The following TAOK2 variants were observed in gnomAD, a reference collection of about 807,000 sequenced individuals.
TAOK2 encodes serine/threonine-protein kinase TAO2.
TAOK2 carries 42 observed loss-of-function variants against 122.5 expected under a neutral mutation model. That is an observed-to-expected ratio of 0.34 (90% confidence interval 0.27 to 0.44). The LOEUF is 0.44. TAOK2 is among the 20% of genes least tolerant of loss of function. The pLI, the probability that TAOK2 is intolerant of heterozygous loss-of-function variation, is 1.00. For missense variants in TAOK2, 1,264 were observed against 1,644.9 expected (o/e 0.77, Z 4.01); for synonymous variants, 704 against 677.6 (o/e 1.04, Z -0.61).
At chr16:29,988,843 C>T (rs1394024602), downstream of TAOK2, 2 of 985,234 alleles carry the variant, frequency 2.0e-6, no homozygotes, top group Non-Finnish European at 2.4e-6. Flanking sequence ...AAGGCTGTGG[C>T]AGCAGGATTG....
downstream of TAOK2, chr16:29,990,130 G>A: frequency 3.7e-6 from 1 of 273,908 alleles, no homozygotes. Context: ...AGTGAGTGTG[G>A]CCCTCAAGCC....
At chr16:29,991,452 G>A (rs939595966), downstream of TAOK2, 40 of 1,506,358 alleles carry the variant, frequency 2.7e-5, no homozygotes, top group Non-Finnish European at 3.4e-5. The surrounding 1 kb of genome is among the most constrained non-coding windows in gnomAD (Gnocchi z 5.6). Flanking sequence ...GGCAGCCTCG[G>A]GGGGCAGTGG....
At position 29,983,531 on chromosome 16, in the gene TAOK2, A is replaced by G; in HGVS notation, c.1289A>G (p.Tyr430Cys). ...PGSDNLYDDP[Y>C]QPEITPSPLQ... Reference sequence around the variant, plus strand: ...TCTGACAACCTATATGATGACCCCTACCAGCCAGAGATAACCCCCAGCCCT... The same window carrying G: ...TCTGACAACCTATATGATGACCCCTGCCAGCCAGAGATAACCCCCAGCCCT... Residue 430 changes from tyrosine (Y) to cysteine (C), a missense_variant, in exon 13 of 16, where the codon TAC becomes TGC. Physicochemically the swap from Tyr to Cys is radical, Grantham distance 194. Transcript: ENST00000308893. 6.2e-7 allele frequency: 1 copy of G among 1,613,160 alleles called. No homozygotes were observed. Among genetic ancestry groups the G allele is most frequent in the Non-Finnish European group, 8.5e-7 (1 of 1,179,628 alleles).
downstream of TAOK2, chr16:29,990,622 C>T: frequency 1.7e-6 from 1 of 602,284 alleles, no homozygotes. Flanking sequence ...GGGATAGATT[C>T]TGCAGTGTAA....
Position 29,987,218 on chromosome 16 carries a change from G to T in TAOK2, c.2946G>T (p.Gly982=). ...LLLPLLAAQG[G]GGLQAALLAL... ...TTCCATTGCTGGCAGCCCAGGGTGG[G>T]GGTGGCCTGCAGGCAGCGCTGCTGG... The change falls in exon 16 of 16, where the codon GGG becomes GGT. Residue 982 remains glycine, a synonymous_variant. Coordinates refer to ENST00000308893, the MANE Select transcript of TAOK2 (RefSeq NM_016151.4). The T allele has an allele frequency of 6.5e-7, 1 of 1,545,934 alleles. No homozygotes were observed. The highest frequency in any genetic ancestry group is 1.8e-4 in the Middle Eastern group (1 of 5,700).
At chr16:29,975,443 A>G (rs530184476) in intron 1 of TAOK2, among the ~76,000 whole-genome samples, 1 of 152,276 alleles carries the variant, frequency 6.6e-6, no homozygotes, top group African/African-American at 2.4e-5. Context: ...GGTTCTTGCC[A>G]TCTCTTTTCC....
rs1485905089 is a variant in TAOK2 at position 29,986,235 on chromosome 16, G to A, written c.1993-30G>A. The A allele has an allele frequency of 1.3e-6, 2 of 1,508,580 alleles. No individual in the cohort carries two copies. The highest frequency in any genetic ancestry group is 2.3e-5 in the East Asian group (1 of 43,114). The allele number at this position is 1,508,580 out of a possible 1,614,324, so 93.4% of individuals were successfully genotyped here. On this transcript the variant is annotated intron_variant, in intron 15 of 15. Coordinates refer to ENST00000308893, the MANE Select transcript of TAOK2 (RefSeq NM_016151.4). The surrounding 1 kb of genome is among the most constrained non-coding windows in gnomAD (Gnocchi z 4.2). ...CTCTCACTTCCTTGATACTGACCAG[G>A]CCCCGGGCCCTGCATTTCTTCTGCC...
intron 8 of TAOK2, chr16:29,980,829 C>T (rs1006044228): frequency 2.0e-5 from 3 of 152,140 alleles, no homozygotes; most frequent in African/African-American, 7.2e-5. Flanking sequence ...TAAATGTCAA[C>T]TCATACTAAG....
intron 8 of TAOK2, chr16:29,981,046 T>A (rs1261116913): frequency 6.5e-6 from 1 of 154,254 alleles, no homozygotes; most frequent in Non-Finnish European, 1.4e-5. Flanking sequence ...AAAATCACCG[T>A]TTAGGCCAAA....
At chr16:29,988,948 G>C (rs1330497458), downstream of TAOK2, 20 of 985,206 alleles carry the variant, frequency 2.0e-5, no homozygotes, top group Non-Finnish European at 2.4e-5. Context: ...GAACTTGTCA[G>C]GCCCTTTCTG....
Position 29,982,829 on chromosome 16 carries a change from C to T in TAOK2, c.927C>T (p.Tyr309=), listed in dbSNP as rs1279801967. Residue 309 remains tyrosine (Y), a synonymous_variant, in exon 11 of 16, where the codon TAC becomes TAT. Transcript: ENST00000308893. The part of the protein sequence containing the change: ...DAVRELDNLQ[Y]RKMKKILFQE... ...TGCGGGAGCTGGACAACCTGCAGTA[C>T]CGCAAGATGAAGAAGATCCTGTTCC... The T allele has an allele frequency of 6.2e-7, 1 of 1,614,078 alleles. No homozygotes were observed. Among genetic ancestry groups the T allele is most frequent in the Admixed American group, 1.7e-5 (1 of 60,020 alleles).
intron 10 of TAOK2, 133 bp downstream of exon 10, chr16:29,982,073 A>T: frequency 1.4e-6 from 1 of 703,334 alleles, no homozygotes; most frequent in Admixed American, 2.3e-5. Flanking sequence ...CCCATCCCCA[A>T]TGCCTAGTGG....
In TAOK2 at chr16:29,986,694, A is replaced by T; in HGVS notation, c.2422A>T (p.Thr808Ser). Residue 808 changes from threonine (T) to serine (S), a missense_variant, in exon 16 of 16, where the codon ACT becomes TCT. Thr to Ser is a moderately conservative substitution (Grantham distance 58). Around this residue, in one of 4 missense-constraint regions of TAOK2, gnomAD observed 824 missense variants for 908.7 expected, o/e 0.91. Transcript: ENST00000308893. The surrounding 1 kb of genome is among the most constrained non-coding windows in gnomAD (Gnocchi z 4.2). ...ERRILGKEGA[T>S]LEPKQQRILG... ...AAGGATTCTGGGAAAGGAAGGGGCC[A>T]CTTTGGAGCCCAAGCAGCAGAGGAT... The T allele has an allele frequency of 6.2e-7, 1 of 1,613,816 alleles. No individual in the cohort carries two copies. The highest frequency in any genetic ancestry group is 8.5e-7 in the Non-Finnish European group (1 of 1,179,884).
At position 29,981,905 on chromosome 16, in the gene TAOK2, C is replaced by T; in HGVS notation, c.796C>T (p.Pro266Ser). 1.2e-6 allele frequency: 2 copies of T among 1,614,096 alleles called. No individual in the cohort carries two copies. Among genetic ancestry groups the T allele is most frequent in the Non-Finnish European group, 1.7e-6 (2 of 1,180,008 alleles). The change falls in exon 10 of 16, where the codon CCT (proline) becomes TCT (serine). Residue 266 changes from proline (P) to serine (S), a missense_variant. Pro to Ser is a moderately conservative substitution (Grantham distance 74, BLOSUM62 -1). Around this residue, in one of 4 missense-constraint regions of TAOK2, gnomAD observed 254 missense variants for 503.8 expected, o/e 0.50. Coordinates refer to ENST00000308893, the MANE Select transcript of TAOK2 (RefSeq NM_016151.4). Reference sequence around the variant, plus strand: ...TGTCGACTCCTGTCTTCAGAAAATCCCTCAAGACAGACCAACCTCAGAGGT... The same window carrying T: ...TGTCGACTCCTGTCTTCAGAAAATCTCTCAAGACAGACCAACCTCAGAGGT... ...NFVDSCLQKIPQDRPTSEVLL... is the reference protein window; with the variant it reads ...NFVDSCLQKISQDRPTSEVLL...
chr16:29,983,523 T>C lies in TAOK2; in HGVS notation c.1281T>C (p.Asp427=), dbSNP rs773304941. 2 of 1,612,470 alleles carry C rather than the reference T, an allele frequency of 1.2e-6. No individual in the cohort carries two copies. Among genetic ancestry groups the C allele is most frequent in the Non-Finnish European group, 1.7e-6 (2 of 1,178,982 alleles). The change falls in exon 13 of 16, where the codon GAT becomes GAC. Residue 427 remains aspartate (D), a synonymous_variant. Coordinates refer to ENST00000308893, the MANE Select transcript of TAOK2 (RefSeq NM_016151.4). ...HRLPGSDNLY[D]DPYQPEITPS... ...TCTAGGGCTCTGACAACCTATATGA[T>C]GACCCCTACCAGCCAGAGATAACCC...
At chr16:29,982,991 C>G in intron 11 of TAOK2, 81 bp from the exon 12 acceptor site, 1 of 1,604,032 alleles carries the variant, frequency 6.2e-7, no homozygotes, top group Non-Finnish European at 8.5e-7. Context: ...CCTACTCACA[C>G]CACCATCTTC....
chr16:29,986,012 C>T lies in TAOK2; in HGVS notation c.1992+151C>T, dbSNP rs888155543. The T allele has an allele frequency of 1.1e-5, 13 of 1,130,520 alleles. No individual in the cohort carries two copies. Among genetic ancestry groups the T allele is most frequent in the African/African-American group, 3.1e-5 (2 of 63,740 alleles). The allele number at this position is 1,130,520 out of a possible 1,614,324, so 70.0% of individuals were successfully genotyped here. ...CAGTGCCCCTTTTACTTCTCATCCC[C>T]AACAGACCCTGCCAGAATTTCCTTA... is the stretch of plus-strand genomic sequence containing the variant. On this transcript the variant is annotated intron_variant, in intron 15 of 15. Transcript: ENST00000308893. This position sits in a 1 kb window ranked among gnomAD's most constrained non-coding sequence, Gnocchi z 4.2.
In TAOK2 at chr16:29,987,578, C is replaced by T; in HGVS notation, c.3306C>T (p.Gly1102=). The stretch of plus-strand genomic sequence containing the variant: ...CCATGGCCTTCCGGGCCCTGCAGGG[C>T]TGTGGGGCTGTGGGGGACCGGGGTC... ...LSPMAFRALQ[G]CGAVGDRGLF... The change falls in exon 16 of 16, where the codon GGC becomes GGT. Residue 1102 remains glycine, a synonymous_variant. Transcript: ENST00000308893. 6.2e-7 allele frequency: 1 copy of T among 1,612,518 alleles called. No homozygotes were observed. Among genetic ancestry groups the T allele is most frequent in the Non-Finnish European group, 8.5e-7 (1 of 1,179,070 alleles).
chr16:29,978,261 G>A lies in TAOK2; in HGVS notation c.214G>A (p.Asp72Asn), dbSNP rs764269417. 2.5e-6 allele frequency: 4 copies of A among 1,613,958 alleles called. No individual in the cohort carries two copies. The stretch of plus-strand genomic sequence containing the variant: ...TACCCTGACCCCCTAGAAATGGCAA[G>A]ACATCATCAAGGAGGTGCGGTTCTT... ...SGKQSNEKWQ[D>N]IIKEVRFLQK... The change falls in exon 4 of 16, where the codon GAC (aspartate) becomes AAC (asparagine). Residue 72 changes from aspartate (D) to asparagine (N), a missense_variant. Physicochemically the swap from Asp to Asn is conservative, Grantham distance 23. Around this residue, in one of 4 missense-constraint regions of TAOK2, gnomAD observed 254 missense variants for 503.8 expected, o/e 0.50. Transcript: ENST00000308893.
Sources: allele counts gnomAD v4.1 joint callset (sites outside exome capture counted in the v4.1 genomes callset), GRCh38; gene constraint gnomAD v4.1.1; regional missense constraint gnomAD v4.1.1; non-coding constraint Gnocchi (gnomAD v3.1); transcripts MANE v1.5; gene names NCBI Gene and HGNC (gene_info 2026-07-23, HGNC 2026-07-21).